CCDC66: variants seen among roughly 807,000 people sequenced by gnomAD.
The protein encoded by CCDC66 is coiled-coil domain-containing protein 66.
CCDC66 carries 133 observed loss-of-function variants against 128.3 expected under a neutral mutation model. That is an observed-to-expected ratio of 1.04 (90% CI 0.90 to 1.20). CCDC66 has a LOEUF of 1.20. CCDC66 is among the 50% of genes most tolerant of loss of function. CCDC66 has a pLI of 0.00. For synonymous variants in CCDC66, 387 were observed against 357.0 expected (o/e 1.08, Z -0.95); for missense variants, 1,126 against 1,075.5 (o/e 1.05, Z -0.66).
chr3:56,616,118 ATTAAGTTCAAT>A, intron 13 of CCDC66, 65 bp downstream of exon 13: 1 of 1,413,628 alleles, frequency 7.1e-7, no homozygotes, highest in Non-Finnish European at 9.6e-7. Context: ...AGCAGTTAGA[ATTAAGTTCAAT>A]TTAAAAGTTC....
At chr3:56,594,802 A>C (rs556199096) in intron 10 of CCDC66, among the ~76,000 whole-genome samples, 3 of 152,248 alleles carry the variant, frequency 2.0e-5, no homozygotes, top group African/African-American at 7.2e-5. Flanking sequence ...TAATTCTTCA[A>C]ATCCTTTGAT....
chr3:56,619,520 T>G lies in CCDC66; in HGVS notation c.2628T>G (p.Asn876Lys). ...CAACCCAGGACCCTCAGTACCAAAA[T>G]TCACAAGGTAAGTAAATATTAAGCA... The part of the protein sequence containing the change: ...GPSTQDPQYQ[N>K]SQDCGQKRQL... Residue 876 changes from asparagine to lysine, a missense_variant, in exon 16 of 18, where the codon AAT becomes AAG. By Grantham distance (94) the Asn-to-Lys change is moderately conservative. Coordinates refer to ENST00000394672, the MANE Select transcript of CCDC66 (RefSeq NM_001141947.3). The G allele has an allele frequency of 6.2e-7, 1 of 1,605,570 alleles. No homozygotes were observed.
At chr3:56,575,314 G>A (rs1263257519) in intron 7 of CCDC66, among the ~76,000 whole-genome samples, 1 of 151,716 alleles carries the variant, frequency 6.6e-6, no homozygotes, top group Non-Finnish European at 1.5e-5. Flanking sequence ...TATCATTGTG[G>A]TTTTCATTTG....
chr3:56,604,336 T>C (rs890838107), intron 10 of CCDC66, among the ~76,000 whole-genome samples: 2 of 152,060 alleles, frequency 1.3e-5, no homozygotes, highest in Admixed American at 1.3e-4. Flanking sequence ...TAGCTGGTTA[T>C]TTTGCTCATT....
In CCDC66 at chr3:56,618,191, T is replaced by G; in HGVS notation, c.2357T>G (p.Ile786Ser). 6.2e-7 allele frequency: 1 copy of G among 1,612,548 alleles called. No homozygotes were observed. The highest frequency in any genetic ancestry group is 8.5e-7 in the Non-Finnish European group (1 of 1,178,626). ...LVKKEEEPLN[I>S]HSFSKERSPS... ...TTTTAGGAAGAAGAGCCTCTGAATA[T>G]TCATTCATTCAGCAAGGAAAGGTAA... The change falls in exon 15 of 18, where the codon ATT (isoleucine) becomes AGT (serine). Residue 786 changes from isoleucine (I) to serine (S), a missense_variant. Physicochemically the swap from Ile to Ser is moderately radical, Grantham distance 142 (BLOSUM62 -2). Coordinates refer to ENST00000394672, the MANE Select transcript of CCDC66 (RefSeq NM_001141947.3).
At chr3:56,558,106 C>T (rs2064595895) in intron 1 of CCDC66, 1 of 152,240 alleles carries the variant, frequency 6.6e-6, no homozygotes, top group Non-Finnish European at 1.5e-5. Flanking sequence ...ATTTGATTTC[C>T]CCTACCTGAG....
rs374000546 is a variant in CCDC66 at position 56,573,734 on chromosome 3, AG to A, written c.936+2433del. Among the ~76,000 whole-genome samples the A allele has an allele frequency of 9.0e-4, 136 of 151,848 alleles. No homozygotes were observed. The South Asian group carries it at 0.018, about 20-fold the overall frequency. On this transcript the variant is annotated intron_variant, in intron 7 of 17. Coordinates refer to ENST00000394672, the MANE Select transcript of CCDC66 (RefSeq NM_001141947.3). ...TTTCTGTTTAGCCCTTAGGCTAAATAGTGGTTAGCCAGGGAGGGAGGAGGTA... is the reference window on the plus strand; with the variant it reads ...TTTCTGTTTAGCCCTTAGGCTAAATATGGTTAGCCAGGGAGGGAGGAGGTA...
intron 7 of CCDC66, among the ~76,000 whole-genome samples, chr3:56,577,752 G>A (rs565401851): frequency 2.4e-4 from 36 of 151,740 alleles, no homozygotes; most frequent in African/African-American, 8.2e-4. Flanking sequence ...TATTTCTGAG[G>A]CCTCTGTTCT....
At chr3:56,614,698 T>G (rs17216698) in intron 11 of CCDC66, among the ~76,000 whole-genome samples, 1 of 152,188 alleles carries the variant, frequency 6.6e-6, no homozygotes, top group East Asian at 1.9e-4. Flanking sequence ...CACTCCAAAA[T>G]TGGCTGGTAA....
intron 7 of CCDC66, among the ~76,000 whole-genome samples, chr3:56,577,266 GTTGT>G (rs1366224980): frequency 6.6e-6 from 1 of 151,788 alleles, no homozygotes; most frequent in Non-Finnish European, 1.5e-5. Flanking sequence ...TTTTGATGGA[GTTGT>G]TTGATTTTTT....
chr3:56,563,291 G>A (rs956870090), intron 3 of CCDC66, among the ~76,000 whole-genome samples: 5 of 152,070 alleles, frequency 3.3e-5, no homozygotes, highest in African/African-American at 9.6e-5. Context: ...AACCGGGGAG[G>A]TGGAGGTTGC....
rs912444180 is a variant in CCDC66, at chr3:56,592,326, A to G, written c.937-644A>G. On this transcript the variant is annotated intron_variant, in intron 7 of 17. Transcript: ENST00000394672. The stretch of plus-strand genomic sequence containing the variant: ...AACAATATTCATCTGTTTTAAATTA[A>G]TAACTCTTTCAGCCTCTAAAAGAGA... 5.3e-5 allele frequency among the ~76,000 whole-genome samples: 8 copies of G among 152,316 alleles called. No individual in the cohort carries two copies. The East Asian group carries it at 9.6e-4, about 18-fold the overall frequency.
chr3:56,614,010 C>T (rs547040364), intron 11 of CCDC66, among the ~76,000 whole-genome samples: 2 of 152,094 alleles, frequency 1.3e-5, no homozygotes, highest in Non-Finnish European at 2.9e-5. Flanking sequence ...ACCTCAGCCT[C>T]CTAAAGTGTT....
At chr3:56,576,040 T>TG (rs2067312156) in intron 7 of CCDC66, among the ~76,000 whole-genome samples, 2 of 151,564 alleles carry the variant, frequency 1.3e-5, no homozygotes, top group Admixed American at 1.3e-4. Flanking sequence ...AATTTTAGGA[T>TG]GGATTTTTCT....
intron 7 of CCDC66, among the ~76,000 whole-genome samples, chr3:56,573,851 G>T (rs1415556625): frequency 1.3e-5 from 2 of 151,098 alleles, no homozygotes; most frequent in Admixed American, 6.7e-5. Flanking sequence ...GATCCATTCA[G>T]TTGGTTGGGG....
At chr3:56,561,338 A>C in intron 3 of CCDC66, 2 of 453,048 alleles carry the variant, frequency 4.4e-6, no homozygotes, top group South Asian at 3.2e-5. Context: ...GATCCCCTTT[A>C]TAGGCCTATA....
intron 10 of CCDC66, among the ~76,000 whole-genome samples, chr3:56,604,488 T>C (rs2073759516): frequency 6.6e-6 from 1 of 152,090 alleles, no homozygotes; most frequent in African/African-American, 2.4e-5. Flanking sequence ...ACAAAATCTC[T>C]CAGAATTTCC....
chr3:56,584,715 C>T (rs868555597), intron 7 of CCDC66, among the ~76,000 whole-genome samples: 122 of 152,006 alleles, frequency 8.0e-4, no homozygotes, highest in Non-Finnish European at 1.6e-3. Context: ...GCTGCAATCT[C>T]GGCACTTTGG....
At chr3:56,581,705 C>T (rs990093349) in intron 7 of CCDC66, among the ~76,000 whole-genome samples, 1 of 151,858 alleles carries the variant, frequency 6.6e-6, no homozygotes, top group South Asian at 2.1e-4. Flanking sequence ...GCCTGGGTAT[C>T]ACCAGCGGAG....
Sources: gnomAD v4.1 joint callset for allele counts (sites outside exome capture counted in the v4.1 genomes callset) on GRCh38, gnomAD v4.1.1 for gene constraint, MANE v1.5 for transcripts, NCBI Gene and HGNC (gene_info 2026-07-23, HGNC 2026-07-21) for gene names.